DOCK1: variants seen among roughly 807,000 people sequenced by gnomAD.
DOCK1 encodes the protein dedicator of cytokinesis protein 1.
DOCK1 carries 138 observed loss-of-function variants against 262.7 expected under a neutral mutation model. The ratio of observed to expected loss-of-function variants is 0.53; its 90% CI spans 0.46 to 0.61. The LOEUF (loss-of-function observed/expected upper bound fraction) is 0.61, where lower values mean the gene tolerates loss of function less well. Ranked by LOEUF, DOCK1 falls within the 20% of genes least tolerant of loss-of-function variation. DOCK1 has a pLI of 0.00. For missense variants in DOCK1, 1,908 were observed against 2,370.7 expected (o/e 0.80, Z 4.05); for synonymous variants, 866 against 867.4 (o/e 1.00, Z 0.03).
intron 31 of DOCK1, among the ~76,000 whole-genome samples, chr10:127,352,339 A>T (rs1296389157): frequency 1.3e-5 from 2 of 149,192 alleles, no homozygotes; most frequent in Non-Finnish European, 3.0e-5. Flanking sequence ...GGCAAAGAGG[A>T]TGGGGAGGAG....
At chr10:127,199,271 C>T (rs761170498) in intron 27 of DOCK1, among the ~76,000 whole-genome samples, 1 of 152,034 alleles carries the variant, frequency 6.6e-6, no homozygotes, top group African/African-American at 2.4e-5. Flanking sequence ...TCTTCTTTTG[C>T]CTTCTTCTTG....
At chr10:127,139,443 C>T (rs2051013403) in intron 27 of DOCK1, among the ~76,000 whole-genome samples, 1 of 152,038 alleles carries the variant, frequency 6.6e-6, no homozygotes, top group Non-Finnish European at 1.5e-5. Flanking sequence ...CTCCTGCTCC[C>T]AAAACAAGTT....
chr10:127,103,406 T>C (rs1263874237), intron 23 of DOCK1, among the ~76,000 whole-genome samples: 1 of 152,156 alleles, frequency 6.6e-6, no homozygotes, highest in Non-Finnish European at 1.5e-5. Flanking sequence ...GGCTAGGTAT[T>C]GTTAAGGTTT....
intron 31 of DOCK1, among the ~76,000 whole-genome samples, chr10:127,345,947 G>A (rs374884276): frequency 7.2e-5 from 11 of 152,176 alleles, no homozygotes; most frequent in Admixed American, 3.3e-4. Flanking sequence ...AGCACAGTGC[G>A]GCACAACGCA....
At chr10:127,173,004 G>A (rs183047915) in intron 27 of DOCK1, among the ~76,000 whole-genome samples, 1 of 152,304 alleles carries the variant, frequency 6.6e-6, no homozygotes, top group East Asian at 1.9e-4. Context: ...CACTGTATTG[G>A]ATAGAGCAGC....
intron 23 of DOCK1, among the ~76,000 whole-genome samples, chr10:127,102,827 G>A (rs2048326573): frequency 6.6e-6 from 1 of 152,016 alleles, no homozygotes. Context: ...GCGGAAGAGT[G>A]AAACTCAGTC....
At chr10:127,036,487 T>C (rs1226890984) in intron 18 of DOCK1, among the ~76,000 whole-genome samples, 1 of 152,192 alleles carries the variant, frequency 6.6e-6, no homozygotes, top group Non-Finnish European at 1.5e-5. Context: ...TAACTAGAGT[T>C]TTGTTTTTTG....
intron 1 of DOCK1, among the ~76,000 whole-genome samples, chr10:126,925,436 G>C (rs1186548494): frequency 6.6e-6 from 1 of 152,090 alleles, no homozygotes; most frequent in Non-Finnish European, 1.5e-5. Context: ...CAGGCTGCAG[G>C]GCAGTGGCAC....
chr10:127,213,190 A>AAG (rs1231217227), intron 27 of DOCK1, among the ~76,000 whole-genome samples: 1 of 152,164 alleles, frequency 6.6e-6, no homozygotes, highest in Non-Finnish European at 1.5e-5. Context: ...TTGGGAAGGG[A>AAG]AGAGAGAGAA....
rs183982785 is a variant in DOCK1, at chr10:127,325,628, T to C, written c.3045-13378T>C. 3.3e-5 allele frequency among the ~76,000 whole-genome samples: 5 copies of C among 152,318 alleles called. No individual in the cohort carries two copies. The East Asian group carries it at 9.7e-4, about 29-fold the overall frequency. On this transcript the variant is annotated intron_variant, in intron 29 of 51. Transcript: ENST00000623213. ...CAAAGCTTGAATCCAGCCTTCCAAA[T>C]CTCAAGCCTGGGCTTTTGTTAAGGA...
chr10:127,000,241 A>T lies in DOCK1; in HGVS notation c.919A>T (p.Met307Leu). Residue 307 changes from methionine (M) to leucine (L), a missense_variant, in exon 10 of 52, where the codon ATG becomes TTG. Physicochemically the swap from Met to Leu is conservative, Grantham distance 15. Around this residue, in one of 9 missense-constraint regions of DOCK1, gnomAD observed 102 missense variants for 154.9 expected, o/e 0.66. Coordinates refer to ENST00000623213, the MANE Select transcript of DOCK1 (RefSeq NM_001290223.2). ...CTGTCAGATTGTTCGCGTGGGTCGC[A>T]TGGAGCTGAGGGACAACAACACCAG... ...FVCQIVRVGRMELRDNNTRKL... is the reference protein window; with the variant it reads ...FVCQIVRVGRLELRDNNTRKL... 1 of 1,614,058 alleles carries T rather than the reference A, an allele frequency of 6.2e-7. No homozygotes were observed. The highest frequency in any genetic ancestry group is 8.5e-7 in the Non-Finnish European group (1 of 1,179,902).
chr10:127,075,193 AAAAAAAG>A (rs1348674920), intron 23 of DOCK1, among the ~76,000 whole-genome samples: 4 of 137,842 alleles, frequency 2.9e-5, no homozygotes, highest in Non-Finnish European at 6.4e-5. Flanking sequence ...AAAAAAAAAA[AAAAAAAG>A]GAGAGTTGTT....
intron 29 of DOCK1, among the ~76,000 whole-genome samples, chr10:127,281,979 A>G (rs1462076571): frequency 6.6e-6 from 1 of 152,208 alleles, no homozygotes; most frequent in Non-Finnish European, 1.5e-5. Flanking sequence ...CTTGGGCCAC[A>G]CAATAAATAA....
rs550533995 is a variant in DOCK1, at chr10:127,211,090, A to G, written c.2848-36918A>G. ...GTTAACTCTGGGTACGATGTTGTGC[A>G]GCAGATGTCTAGAACTTACTCATCT... On this transcript the variant is annotated intron_variant, in intron 27 of 51. Transcript: ENST00000623213. 2.5e-4 allele frequency among the ~76,000 whole-genome samples: 38 copies of G among 152,320 alleles called. 2 individuals carry two copies. The East Asian group carries it at 3.9e-3, about 15-fold the overall frequency.
chr10:127,225,636 A>G lies in DOCK1; in HGVS notation c.2848-22372A>G, dbSNP rs566807185. Among the ~76,000 whole-genome samples, 5 of 152,370 alleles carry G rather than the reference A, an allele frequency of 3.3e-5. No homozygotes were observed. In the East Asian group the frequency reaches 9.6e-4, roughly 29 times the overall value. ...TTGGGGTTGCTTTGGAATAATAGCG[A>G]GAAGCTAGTCTTTTGAGTTTTAACT... On this transcript the variant is annotated intron_variant, in intron 27 of 51. Coordinates refer to ENST00000623213, the MANE Select transcript of DOCK1 (RefSeq NM_001290223.2).
intron 1 of DOCK1, among the ~76,000 whole-genome samples, chr10:126,947,091 C>T (rs947501249): frequency 3.3e-5 from 5 of 152,220 alleles, no homozygotes; most frequent in Non-Finnish European, 7.3e-5. Context: ...TGCTCTTTGC[C>T]TCAGTCTTTG....
chr10:126,978,857 G>C (rs1408887142), intron 3 of DOCK1, among the ~76,000 whole-genome samples: 1 of 152,238 alleles, frequency 6.6e-6, no homozygotes, highest in East Asian at 1.9e-4. Context: ...TGGCCCAAGT[G>C]CCAGGGTCCT....
chr10:126,976,740 CT>C (rs112979221), intron 2 of DOCK1, among the ~76,000 whole-genome samples: 91 of 145,940 alleles, frequency 6.2e-4, no homozygotes, highest in Admixed American at 1.4e-3. Flanking sequence ...TGTCTTTAAG[CT>C]TTTTTTTTTT....
At chr10:126,937,021 T>C (rs2034599858) in intron 1 of DOCK1, among the ~76,000 whole-genome samples, 1 of 152,130 alleles carries the variant, frequency 6.6e-6, no homozygotes, top group East Asian at 1.9e-4. Flanking sequence ...CAAATGGCAT[T>C]TGTCATTTTG....
Sources: gnomAD v4.1 joint callset for allele counts (sites outside exome capture counted in the v4.1 genomes callset) on GRCh38, gnomAD v4.1.1 for gene constraint, gnomAD v4.1.1 regional missense constraint, MANE v1.5 for transcripts, NCBI Gene and HGNC (gene_info 2026-07-23, HGNC 2026-07-21) for gene names.